ADAMTS12: variants seen among roughly 807,000 people sequenced by gnomAD.
ADAMTS12 encodes ADAM metallopeptidase with thrombospondin type 1 motif 12, also known as A disintegrin and metalloproteinase with thrombospondin motifs 12.
In ADAMTS12, 118 loss-of-function variants were observed where a neutral mutation model predicts 167.8. That is an observed-to-expected ratio of 0.70 (90% CI 0.61 to 0.82). The LOEUF (loss-of-function observed/expected upper bound fraction) is 0.82. ADAMTS12 is among the 40% of genes least tolerant of loss of function. The pLI, the probability that ADAMTS12 is intolerant of heterozygous loss-of-function variation, is 0.00. For synonymous variants in ADAMTS12, 704 were observed against 716.9 expected, an observed-to-expected ratio of 0.98 and a Z score of 0.29; for missense variants, 1,916 against 1,998.8, an observed-to-expected ratio of 0.96 and a Z score of 0.79.
At chr5:33,570,823 C>T (rs1317054678) in intron 19 of ADAMTS12, among the ~76,000 whole-genome samples, 1 of 146,704 alleles carries the variant, frequency 6.8e-6, no homozygotes, top group Non-Finnish European at 1.5e-5. Flanking sequence ...AGAGTCAAGA[C>T]CCATCAGTGT....
intron 20 of ADAMTS12, among the ~76,000 whole-genome samples, chr5:33,558,979 T>C (rs569549771): frequency 6.3e-4 from 96 of 152,262 alleles, no homozygotes; most frequent in African/African-American, 2.1e-3. Flanking sequence ...ACAACCCCTC[T>C]CTTCCAAAGA....
intron 2 of ADAMTS12, among the ~76,000 whole-genome samples, chr5:33,877,438 T>G (rs543439063): frequency 2.0e-5 from 3 of 152,180 alleles, no homozygotes; most frequent in African/African-American, 7.2e-5. Context: ...AATTTGGTAG[T>G]GCTCCTGGCA....
In ADAMTS12 at chr5:33,576,157, G is replaced by C. The variant is rs1746698363; in HGVS notation, c.3869C>G (p.Ala1290Gly). Reference protein sequence around the residue: ...SSEPVLTEEDATSLITEGFLL... With the variant: ...SSEPVLTEEDGTSLITEGFLL... ...AAAGCCCTCAGTAATCAGACTTGTT[G>C]CATCCTCCTCAGTCAGGACTGGTTC... Residue 1290 changes from alanine to glycine, a missense_variant, in exon 19 of 24, where the codon GCA (alanine) becomes GGA (glycine). Ala to Gly is a moderately conservative substitution (Grantham distance 60, BLOSUM62 0). Coordinates refer to ENST00000504830, the MANE Select transcript of ADAMTS12 (RefSeq NM_030955.4). 2 of 1,614,188 alleles carry C rather than the reference G, an allele frequency of 1.2e-6. No homozygotes were observed. The highest frequency in any genetic ancestry group is 2.7e-5 in the African/African-American group (2 of 75,050).
At chr5:33,737,008 A>T (rs1350638448) in intron 3 of ADAMTS12, among the ~76,000 whole-genome samples, 1 of 152,252 alleles carries the variant, frequency 6.6e-6, no homozygotes, top group African/African-American at 2.4e-5. Context: ...AGATGCCAGA[A>T]CCAGCTGCCA....
intron 2 of ADAMTS12, among the ~76,000 whole-genome samples, chr5:33,865,876 A>AAAATACCT (rs1009413786): frequency 2.2e-4 from 34 of 152,180 alleles, no homozygotes; most frequent in Non-Finnish European, 7.4e-5. Flanking sequence ...CTACAAAAGC[A>AAAATACCT]AAATACCTAG....
In ADAMTS12 at chr5:33,576,876, G is replaced by A; in HGVS notation, c.3150C>T (p.Ser1050=). 1 of 1,614,180 alleles carries A rather than the reference G, an allele frequency of 6.2e-7. No homozygotes were observed. Among genetic ancestry groups the A allele is most frequent in the Non-Finnish European group, 8.5e-7 (1 of 1,180,022 alleles). ...SMSTSTPAIS[S]PSPTTASKEG... is the part of the protein sequence containing the mutation. Reference sequence around the variant, plus strand: ...CTTTGGAGGCTGTGGTAGGACTAGGGCTGCTGATTGCTGGAGTGCTTGTGC... The same window carrying A: ...CTTTGGAGGCTGTGGTAGGACTAGGACTGCTGATTGCTGGAGTGCTTGTGC... Residue 1050 remains serine (S), a synonymous_variant, in exon 19 of 24, where the codon AGC becomes AGT. Coordinates refer to ENST00000504830, the MANE Select transcript of ADAMTS12 (RefSeq NM_030955.4).
chr5:33,606,610 A>C (rs1456783694), intron 16 of ADAMTS12, among the ~76,000 whole-genome samples: 2 of 152,196 alleles, frequency 1.3e-5, no homozygotes, highest in African/African-American at 4.8e-5. Flanking sequence ...ATGAAGAAAA[A>C]TCTCCCCCAC....
chr5:33,581,117 G>A (rs186882258), intron 18 of ADAMTS12, among the ~76,000 whole-genome samples: 62 of 152,298 alleles, frequency 4.1e-4, no homozygotes, highest in African/African-American at 1.4e-3. Flanking sequence ...TCAGCTCCAC[G>A]CTTCTTCTAG....
chr5:33,796,488 C>A (rs6877981), intron 2 of ADAMTS12, among the ~76,000 whole-genome samples: 2 of 152,110 alleles, frequency 1.3e-5, no homozygotes, highest in Non-Finnish European at 2.9e-5. Flanking sequence ...TTTATATACA[C>A]CTGCAGTGCC....
chr5:33,539,926 T>C (rs1388121010), intron 22 of ADAMTS12, among the ~76,000 whole-genome samples: 1 of 152,000 alleles, frequency 6.6e-6, no homozygotes, highest in Non-Finnish European at 1.5e-5. Context: ...AGGTACCTGG[T>C]TCATCTCACT....
At chr5:33,729,089 G>A (rs1744086489) in intron 3 of ADAMTS12, among the ~76,000 whole-genome samples, 1 of 152,322 alleles carries the variant, frequency 6.6e-6, no homozygotes, top group South Asian at 2.1e-4. Context: ...GATGATGACA[G>A]CATACTGATA....
At position 33,661,972 on chromosome 5, in the gene ADAMTS12, G is replaced by T; in HGVS notation, c.984C>A (p.Ile328=). The change falls in exon 6 of 24, where the codon ATC becomes ATA. Residue 328 remains isoleucine, a synonymous_variant. Coordinates refer to ENST00000504830, the MANE Select transcript of ADAMTS12 (RefSeq NM_030955.4). ...LSSFCKWQKS[I]NPKSDLNPVH... ...CAGGATTGAGGTCACTCTTGGGATT[G>T]ATACTCTTCTGCCACTTGCAGAAGC... 2.5e-6 allele frequency: 4 copies of T among 1,613,364 alleles called. No individual in the cohort carries two copies. The highest frequency in any genetic ancestry group is 3.4e-6 in the Non-Finnish European group (4 of 1,179,646).
intron 2 of ADAMTS12, among the ~76,000 whole-genome samples, chr5:33,791,611 T>C (rs1203728787): frequency 2.0e-5 from 3 of 152,192 alleles, no homozygotes; most frequent in African/African-American, 4.8e-5. Context: ...GCTAAGCCAC[T>C]TTAATGGAAA....
intron 3 of ADAMTS12, among the ~76,000 whole-genome samples, chr5:33,713,963 G>C (rs1357220346): frequency 1.3e-5 from 2 of 152,086 alleles, no homozygotes; most frequent in East Asian, 3.9e-4. Context: ...ACAGATAAGA[G>C]CATGGTAGTC....
intron 20 of ADAMTS12, among the ~76,000 whole-genome samples, chr5:33,554,441 C>G (rs2111856486): frequency 6.6e-6 from 1 of 152,248 alleles, no homozygotes; most frequent in African/African-American, 2.4e-5. Context: ...ACCACTTCTT[C>G]TTGAGAATCT....
chr5:33,651,679 T>C (rs1740872438), intron 7 of ADAMTS12, among the ~76,000 whole-genome samples: 1 of 152,160 alleles, frequency 6.6e-6, no homozygotes, highest in Admixed American at 6.6e-5. Flanking sequence ...GGGATACATG[T>C]GCAGGTCTTT....
At chr5:33,757,100 A>G (rs13172462) in intron 2 of ADAMTS12, among the ~76,000 whole-genome samples, 18,226 of 152,246 alleles carry the variant, frequency 0.12, 1,311 homozygotes, top group Non-Finnish European at 0.15. Flanking sequence ...ATTCATAATC[A>G]TAAGTATATT....
In ADAMTS12 at chr5:33,857,620, G is replaced by A. The variant is rs558056563; in HGVS notation, c.489+23499C>T. 2.0e-5 allele frequency among the ~76,000 whole-genome samples: 3 copies of A among 152,188 alleles called. No homozygotes were observed. In the East Asian group the frequency reaches 5.8e-4, roughly 29 times the overall value. ...AAAAAACTGAAGCTCCAAAGCAAAG[G>A]GAATTTGATAAGTTCAGTTAGAACT... On this transcript the variant is annotated intron_variant, in intron 2 of 23. Coordinates refer to ENST00000504830, the MANE Select transcript of ADAMTS12 (RefSeq NM_030955.4).
intron 3 of ADAMTS12, among the ~76,000 whole-genome samples, chr5:33,736,032 C>T (rs942925020): frequency 6.0e-5 from 9 of 150,712 alleles, no homozygotes; most frequent in Non-Finnish European, 1.0e-4. Flanking sequence ...TAAAGGCATC[C>T]GAACAACTGT....
Sources: gnomAD v4.1 joint callset for allele counts (sites outside exome capture counted in the v4.1 genomes callset) on GRCh38, gnomAD v4.1.1 for gene constraint, MANE v1.5 for transcripts, NCBI Gene and HGNC (gene_info 2026-07-23, HGNC 2026-07-21) for gene names.